The following DNAJC7 variants were observed in gnomAD, a reference collection of about 807,000 sequenced individuals.
The protein encoded by DNAJC7 is DnaJ heat shock protein family (Hsp40) member C7, also known as dnaJ homolog subfamily C member 7.
Under a neutral mutation model 67.4 loss-of-function variants are expected in DNAJC7, and 18 were observed. That is an observed-to-expected ratio of 0.27 (90% confidence interval 0.18 to 0.40). The LOEUF is 0.40. Ranked by LOEUF, DNAJC7 falls within the 10% of genes least tolerant of loss-of-function variation. DNAJC7 has a pLI of 1.00. For missense variants in DNAJC7, 419 were observed against 613.8 expected (o/e 0.68, Z 3.35); for synonymous variants, 220 against 207.8 (o/e 1.06, Z -0.50).
chr17:41,978,647 C>G (rs1005975850), intron 12 of DNAJC7, among the ~76,000 whole-genome samples: 2 of 151,960 alleles, frequency 1.3e-5, no homozygotes, highest in African/African-American at 4.8e-5. Context: ...ATCACGAGGT[C>G]AGGAGATCGA....
At chr17:42,011,555 A>ATTCTG (rs781884058) in intron 1 of DNAJC7, 1 of 152,188 alleles carries the variant, frequency 6.6e-6, no homozygotes, top group Non-Finnish European at 1.5e-5. Context: ...GGTATTGAGA[A>ATTCTG]TTCTGTATTC....
intron 7 of DNAJC7, 71 bp downstream of exon 7, chr17:41,989,333 T>G: frequency 1.3e-6 from 2 of 1,561,308 alleles, no homozygotes; most frequent in Non-Finnish European, 1.7e-6. Context: ...TTCTAAAACC[T>G]TCCACTCTAG....
At chr17:41,996,971 A>G in intron 3 of DNAJC7, 144 bp downstream of exon 3, 2 of 1,302,370 alleles carry the variant, frequency 1.5e-6, no homozygotes, top group Non-Finnish European at 2.1e-6. Flanking sequence ...GCTGCTAAAC[A>G]ACCCACAGTG....
At chr17:42,011,394 A>G (rs1233297560) in intron 1 of DNAJC7, 1 of 152,076 alleles carries the variant, frequency 6.6e-6, no homozygotes, top group African/African-American at 2.4e-5. Context: ...TTGGCCCTAT[A>G]TTTTCTCAAA....
chr17:42,011,239 C>T (rs2052107859), intron 1 of DNAJC7: 1 of 152,200 alleles, frequency 6.6e-6, no homozygotes, highest in Non-Finnish European at 1.5e-5. Context: ...GTGCCCAGTA[C>T]TCAGCTTTTC....
intron 12 of DNAJC7, among the ~76,000 whole-genome samples, chr17:41,980,414 C>T (rs990908478): frequency 4.0e-5 from 6 of 151,466 alleles, no homozygotes; most frequent in Non-Finnish European, 7.4e-5. Flanking sequence ...GAGATGGAGT[C>T]GCACTCTGTA....
intron 1 of DNAJC7, 94 bp from the exon 2 acceptor site, chr17:42,000,664 A>T (rs2051785650): frequency 6.7e-6 from 6 of 892,522 alleles, no homozygotes; most frequent in Non-Finnish European, 1.0e-5. Context: ...AGCCCGCAGC[A>T]CACTGAGCTG....
intron 9 of DNAJC7, among the ~76,000 whole-genome samples, chr17:41,986,242 G>A (rs965408173): frequency 1.3e-5 from 2 of 151,626 alleles, no homozygotes; most frequent in Non-Finnish European, 2.9e-5. Context: ...GACATGCGCC[G>A]GTAATCTCAG....
chr17:41,984,079 A>G (rs2051315321), intron 9 of DNAJC7, among the ~76,000 whole-genome samples: 1 of 152,224 alleles, frequency 6.6e-6, no homozygotes, highest in Non-Finnish European at 1.5e-5. Context: ...GCTACAATCC[A>G]GAATAGAGGT....
chr17:41,983,655 GC>G lies in DNAJC7; in HGVS notation c.1011-20del. Reference sequence around the variant, plus strand: ...CATGTAACTGAGAAGGAAATACAAGGCAATACAGCACTAAGACATAAATAGC... The same window carrying G: ...CATGTAACTGAGAAGGAAATACAAGGAATACAGCACTAAGACATAAATAGC... On this transcript the variant is annotated intron_variant, in intron 9 of 13. Transcript: ENST00000457167. 6.3e-7 allele frequency: 1 copy of G among 1,590,756 alleles called. No homozygotes were observed. The highest frequency in any genetic ancestry group is 8.6e-7 in the Non-Finnish European group (1 of 1,166,758).
At chr17:41,997,884 GCA>G (rs2051703437) in intron 2 of DNAJC7, among the ~76,000 whole-genome samples, 2 of 151,904 alleles carry the variant, frequency 1.3e-5, no homozygotes, top group South Asian at 2.1e-4. Context: ...TTTATTTGAG[GCA>G]CAGTCTGGCT....
In DNAJC7 at chr17:42,017,400, T is replaced by G. The variant is rs1254522773; in HGVS notation, c.17A>C (p.Glu6Ala). 2 of 1,608,674 alleles carry G rather than the reference T, an allele frequency of 1.2e-6. No homozygotes were observed. The highest frequency in any genetic ancestry group is 3.3e-5 in the Admixed American group (2 of 59,998). ...GGTCGCCGCCATTACCACATCGCAC[T>G]CCGCGGCAGCCGCCATCTTACCGCC... MAAAA[E>A]CDVVMAATEP... Residue 6 changes from glutamate to alanine, a missense_variant, in exon 1 of 14, where the codon GAG becomes GCG. By Grantham distance (107) the Glu-to-Ala change is moderately radical (BLOSUM62 -1). Transcript: ENST00000457167.
chr17:41,981,803 T>C, intron 12 of DNAJC7, 52 bp downstream of exon 12: 1 of 1,591,336 alleles, frequency 6.3e-7, no homozygotes, highest in Non-Finnish European at 8.6e-7. Context: ...TGGAAAAAAT[T>C]CTAACATTCT....
rs1555648805 is a variant in DNAJC7 at position 41,997,242 on chromosome 17, A to G, written c.167-3T>C. The G allele has an allele frequency of 6.2e-7, 1 of 1,613,114 alleles. No homozygotes were observed. Among genetic ancestry groups the G allele is most frequent in the South Asian group, 1.1e-5 (1 of 90,976 alleles). Reference sequence around the variant, plus strand: ...GCTAGCATTTTTAGGACACATATCTATAGGAAAGGCAGAAGAACGTAAAAC... The same window carrying G: ...GCTAGCATTTTTAGGACACATATCTGTAGGAAAGGCAGAAGAACGTAAAAC... On this transcript the variant is annotated splice_polypyrimidine_tract_variant and splice_region_variant and intron_variant, in intron 2 of 13. Coordinates refer to ENST00000457167, the MANE Select transcript of DNAJC7 (RefSeq NM_003315.4).
chr17:41,998,065 G>A (rs970515123), intron 2 of DNAJC7, among the ~76,000 whole-genome samples: 3 of 151,954 alleles, frequency 2.0e-5, no homozygotes, highest in East Asian at 3.9e-4. Context: ...GTTTTGCCGC[G>A]TTGGCCAGGC....
intron 1 of DNAJC7, among the ~76,000 whole-genome samples, chr17:42,010,334 A>AT (rs1462485075): frequency 1.5e-4 from 22 of 150,866 alleles, no homozygotes; most frequent in African/African-American, 4.6e-4. Context: ...AAAAAAAAAA[A>AT]ATACAAAATT....
At chr17:41,989,681 GA>G in intron 6 of DNAJC7, 124 bp from the exon 7 acceptor site, 1 of 1,281,042 alleles carries the variant, frequency 7.8e-7, no homozygotes, top group Non-Finnish European at 1.1e-6. Flanking sequence ...AAGGTAGACA[GA>G]TTCCCAAGAA....
Position 41,993,193 on chromosome 17 carries a change from C to T in DNAJC7, c.480+1677G>A, listed in dbSNP as rs887698659. Among the ~76,000 whole-genome samples, 23 of 152,310 alleles carry T rather than the reference C, an allele frequency of 1.5e-4. 1 individual carries two copies. Among genetic ancestry groups the T allele is most frequent in the South Asian group, 1.2e-3 (6 of 4,832 alleles). ...CATTTACTGAGGCCAGGCGTGGTGGCTCACGCCTGTAATCCCAGCACTTTG... is the reference window on the plus strand; with the variant it reads ...CATTTACTGAGGCCAGGCGTGGTGGTTCACGCCTGTAATCCCAGCACTTTG... On this transcript the variant is annotated intron_variant, in intron 5 of 13. Transcript: ENST00000457167.
chr17:42,005,222 C>G (rs1230885738), intron 1 of DNAJC7, among the ~76,000 whole-genome samples: 1 of 152,194 alleles, frequency 6.6e-6, no homozygotes, highest in Non-Finnish European at 1.5e-5. Flanking sequence ...CAGGTCTTAG[C>G]AGGGCTCAGC....
Sources: allele counts gnomAD v4.1 joint callset (sites outside exome capture counted in the v4.1 genomes callset), GRCh38; gene constraint gnomAD v4.1.1; transcripts MANE v1.5; gene names NCBI Gene and HGNC (gene_info 2026-07-23, HGNC 2026-07-21).